The following PRELID2 variants were observed in gnomAD, a reference collection of about 807,000 sequenced individuals.
The protein encoded by PRELID2 is PRELI domain containing 2, also known as PRELI domain-containing protein 2.
A neutral mutation model predicts 28.4 loss-of-function variants in PRELID2; 25 were observed. The ratio of observed to expected loss-of-function variants is 0.88; its 90% confidence interval spans 0.64 to 1.23. The LOEUF is 1.23. Among genes scored for constraint, PRELID2 ranks in the 50% most tolerant of loss-of-function variants. The pLI is 0.00. For missense variants in PRELID2, 201 were observed against 214.4 expected, an observed-to-expected ratio of 0.94 and a Z score of 0.39; for synonymous variants, 76 against 71.6, an observed-to-expected ratio of 1.06 and a Z score of -0.31.
chr5:145,736,023 A>G (rs1272368498), intron 1 of PRELID2, among the ~76,000 whole-genome samples: 17 of 152,190 alleles, frequency 1.1e-4, no homozygotes, highest in Non-Finnish European at 7.3e-5. Context: ...ACCTCTCATC[A>G]CTGCCTCTGA....
At chr5:145,393,618 C>G in the PRELID2 span, among the ~76,000 whole-genome samples, 1 of 152,128 alleles carries the variant, frequency 6.6e-6, no homozygotes, top group African/African-American at 2.4e-5. Context: ...TTATTTGAAC[C>G]TGGTTTGAAC....
rs559739841 is a variant in PRELID2, at chr5:145,533,136, C to T, written n.71-59821G>A. ...TATATGTTATTACTATTATCCTTAT[C>T]ACCACTATTTCCAACAACACCCCAA... On this transcript the variant is annotated intron_variant and non_coding_transcript_variant, in intron 1 of 2. Transcript: ENST00000510259. 5.3e-5 allele frequency among the ~76,000 whole-genome samples: 8 copies of T among 152,196 alleles called. No individual in the cohort carries two copies. In the East Asian group the frequency reaches 1.2e-3, roughly 22 times the overall value.
At chr5:145,273,873 A>T in the PRELID2 span, among the ~76,000 whole-genome samples, 1 of 152,140 alleles carries the variant, frequency 6.6e-6, no homozygotes, top group Non-Finnish European at 1.5e-5. Context: ...GTAAGTGGCC[A>T]TAGGCATAGG....
chr5:145,399,514 A>G, the PRELID2 span, among the ~76,000 whole-genome samples: 1 of 152,086 alleles, frequency 6.6e-6, no homozygotes, highest in Non-Finnish European at 1.5e-5. Context: ...AAAAATTCCA[A>G]CTGAATCTAA....
At chr5:145,487,104 G>T (rs1261514555) in intron 1 of PRELID2, among the ~76,000 whole-genome samples, 1 of 121,468 alleles carries the variant, frequency 8.2e-6, no homozygotes, top group Admixed American at 9.3e-5. Context: ...GGTGGGGGGA[G>T]GGGGGAGGGA....
intron 1 of PRELID2, among the ~76,000 whole-genome samples, chr5:145,693,961 C>T (rs1755204364): frequency 6.6e-6 from 1 of 152,070 alleles, no homozygotes; most frequent in Admixed American, 6.6e-5. Context: ...TGATTATGAG[C>T]ATGGATTCTC....
chr5:145,565,588 T>C (rs140526354), intron 1 of PRELID2, among the ~76,000 whole-genome samples: 63 of 152,360 alleles, frequency 4.1e-4, no homozygotes, highest in African/African-American at 1.5e-3. Flanking sequence ...ATGTCAACTC[T>C]ACAGCTCATG....
chr5:145,742,324 A>ATT (rs1491518500), intron 1 of PRELID2, among the ~76,000 whole-genome samples: 2,055 of 48,802 alleles, frequency 0.042, 33 homozygotes, highest in East Asian at 0.079. Flanking sequence ...ATAAAAATAG[A>ATT]TATATTTTTT....
chr5:145,381,930 A>G, the PRELID2 span, among the ~76,000 whole-genome samples: 2 of 151,340 alleles, frequency 1.3e-5, no homozygotes, highest in Non-Finnish European at 1.5e-5. Context: ...AAAAAAATCT[A>G]TTGAAATAGA....
the PRELID2 span, among the ~76,000 whole-genome samples, chr5:145,331,013 G>C: frequency 6.6e-6 from 1 of 152,072 alleles, no homozygotes; most frequent in Admixed American, 6.6e-5. Flanking sequence ...ATTTATTTCT[G>C]CCTTAATTTT....
At chr5:145,454,740 A>T in the PRELID2 span, among the ~76,000 whole-genome samples, 1 of 152,200 alleles carries the variant, frequency 6.6e-6, no homozygotes, top group African/African-American at 2.4e-5. Context: ...AGTGATTATG[A>T]GCTTTTTTTC....
chr5:145,629,871 G>C lies in PRELID2; in HGVS notation n.70+135060C>G, dbSNP rs191912826. Among the ~76,000 whole-genome samples the C allele has an allele frequency of 1.9e-3, 282 of 151,284 alleles. 1 individual carries two copies. The highest frequency in any genetic ancestry group is 3.5e-3 in the Non-Finnish European group (237 of 67,994). On this transcript the variant is annotated intron_variant and non_coding_transcript_variant, in intron 1 of 2. Transcript: ENST00000510259. Reference sequence around the variant, plus strand: ...GAAATGAAAACCCCTATGAACTATAGGTATTGTCTGGAAAACACAGCACAT... The same window carrying C: ...GAAATGAAAACCCCTATGAACTATACGTATTGTCTGGAAAACACAGCACAT...
the PRELID2 span, among the ~76,000 whole-genome samples, chr5:145,365,342 A>T: frequency 7.2e-5 from 11 of 151,948 alleles, no homozygotes; most frequent in African/African-American, 2.7e-4. Flanking sequence ...ATCATCCTAC[A>T]ATGCAAACAT....
At chr5:145,461,548 C>G in the PRELID2 span, among the ~76,000 whole-genome samples, 1 of 152,302 alleles carries the variant, frequency 6.6e-6, no homozygotes, top group Non-Finnish European at 1.5e-5. Flanking sequence ...GTGATCTGCC[C>G]ACCTAGTCCT....
At position 145,508,292 on chromosome 5, in the gene PRELID2, A is replaced by ATAGATAGATAGG. The variant is rs765048800; in HGVS notation, n.71-34978_71-34977insCCTATCTATCTA. ...GATAGATAGATAGATAGATAGATAG[A>ATAGATAGATAGG]TAGATTAAAAAATGTAAAGATTATC... On this transcript the variant is annotated intron_variant and non_coding_transcript_variant, in intron 1 of 2. Transcript: ENST00000510259. Among the ~76,000 whole-genome samples, 45 of 152,094 alleles carry ATAGATAGATAGG rather than the reference A, an allele frequency of 3.0e-4. 1 individual carries two copies. The highest frequency in any genetic ancestry group is 4.6e-4 in the Admixed American group (7 of 15,256).
At chr5:145,282,068 T>C in the PRELID2 span, among the ~76,000 whole-genome samples, 2 of 152,190 alleles carry the variant, frequency 1.3e-5, no homozygotes, top group African/African-American at 4.8e-5. Flanking sequence ...TTAATACTGA[T>C]ACAAAAAGCT....
intron 1 of PRELID2, among the ~76,000 whole-genome samples, chr5:145,514,317 G>GGAAAAAAAAAAAA (rs1580964259): frequency 1.3e-5 from 1 of 76,326 alleles, no homozygotes; most frequent in African/African-American, 4.3e-5. Context: ...CAAATGGAAA[G>GGAAAAAAAAAAAA]CAAAAAAAAA....
At chr5:145,658,082 G>A (rs1754426678) in intron 1 of PRELID2, among the ~76,000 whole-genome samples, 1 of 152,176 alleles carries the variant, frequency 6.6e-6, no homozygotes, top group Admixed American at 6.5e-5. Flanking sequence ...CTGGCAATGT[G>A]TTAGGCACTG....
the PRELID2 span, among the ~76,000 whole-genome samples, chr5:145,344,426 G>T: frequency 1.3e-5 from 2 of 151,970 alleles, no homozygotes; most frequent in Admixed American, 1.3e-4. Context: ...TATCATAATT[G>T]CAAGATTCTA....
Sources: gnomAD v4.1 joint callset for allele counts (sites outside exome capture counted in the v4.1 genomes callset) on GRCh38, gnomAD v4.1.1 for gene constraint, MANE v1.5 for transcripts, NCBI Gene and HGNC (gene_info 2026-07-23, HGNC 2026-07-21) for gene names.